The following SOX30 variants were observed in gnomAD, a reference collection of about 807,000 sequenced individuals.
SOX30 encodes SRY-box transcription factor 30.
A neutral mutation model predicts 58.6 loss-of-function variants in SOX30; 17 were observed. The ratio of observed to expected loss-of-function variants is 0.29; its 90% confidence interval spans 0.20 to 0.44. SOX30 has a LOEUF of 0.44. SOX30 is among the 20% of genes least tolerant of loss of function. The pLI is 1.00. For synonymous variants in SOX30, 421 were observed against 400.2 expected (o/e 1.05, Z -0.62); for missense variants, 951 against 965.8 (o/e 0.98, Z 0.20).
intron 1 of SOX30, among the ~76,000 whole-genome samples, chr5:157,669,239 G>A (rs1340566117): frequency 6.6e-6 from 1 of 152,192 alleles, no homozygotes; most frequent in African/African-American, 2.4e-5. Flanking sequence ...TGTAGTCCAG[G>A]CTAGAGTGCA....
intron 3 of SOX30, among the ~76,000 whole-genome samples, chr5:157,642,722 A>G (rs150292770): frequency 6.6e-6 from 1 of 152,188 alleles, no homozygotes. Context: ...TGTACAAATG[A>G]GCCCAACTGC....
chr5:157,655,510 T>C (rs186786214), upstream of SOX30, among the ~76,000 whole-genome samples: 1 of 152,330 alleles, frequency 6.6e-6, no homozygotes, highest in African/African-American at 2.4e-5. Flanking sequence ...ATCTGCCTTG[T>C]ACTCTTTGCT....
intron 3 of SOX30, among the ~76,000 whole-genome samples, chr5:157,641,790 C>A (rs573617603): frequency 6.6e-6 from 1 of 152,238 alleles, no homozygotes; most frequent in South Asian, 2.1e-4. Context: ...ATTTAAGAAA[C>A]CTTAGTAGTG....
chr5:157,654,164 CAAA>C (rs1168643558), upstream of SOX30, among the ~76,000 whole-genome samples: 12 of 78,638 alleles, frequency 1.5e-4, no homozygotes, highest in East Asian at 3.2e-4. Context: ...GACCCTGTCT[CAAA>C]AAAAAAAAAA....
intron 4 of SOX30, among the ~76,000 whole-genome samples, chr5:157,628,084 G>A (rs558703509): frequency 3.6e-4 from 55 of 152,044 alleles, no homozygotes; most frequent in Middle Eastern, 3.4e-3. Context: ...GGAGGCTGAC[G>A]CAGGAGGATC....
intron 3 of SOX30, among the ~76,000 whole-genome samples, chr5:157,644,787 C>T (rs1759148399): frequency 6.6e-6 from 1 of 152,094 alleles, no homozygotes. Context: ...TCGAGACAAG[C>T]CTGGCTAACA....
At chr5:157,654,562 A>T (rs1233270316), upstream of SOX30, among the ~76,000 whole-genome samples, 1 of 152,128 alleles carries the variant, frequency 6.6e-6, no homozygotes, top group Non-Finnish European at 1.5e-5. Context: ...GAACCAGAGC[A>T]CCTCCATCTT....
chr5:157,640,857 T>C (rs765587835), intron 3 of SOX30, among the ~76,000 whole-genome samples: 1 of 152,158 alleles, frequency 6.6e-6, no homozygotes. Context: ...ACCTCGCATA[T>C]GTAATGACAC....
At chr5:157,635,939 T>C (rs1255716058) in intron 4 of SOX30, among the ~76,000 whole-genome samples, 1 of 152,196 alleles carries the variant, frequency 6.6e-6, no homozygotes, top group Non-Finnish European at 1.5e-5. Context: ...AAGACAAATA[T>C]GAAATTCAAA....
intron 2 of SOX30, among the ~76,000 whole-genome samples, chr5:157,662,890 G>C (rs772377857): frequency 6.6e-6 from 1 of 152,008 alleles, no homozygotes; most frequent in Non-Finnish European, 1.5e-5. Context: ...TCAAGCAATT[G>C]CCTTCAGAAT....
chr5:157,664,637 A>T (rs1759637484), intron 2 of SOX30, among the ~76,000 whole-genome samples: 1 of 152,342 alleles, frequency 6.6e-6, no homozygotes, highest in South Asian at 2.1e-4. Context: ...TGCACATCAA[A>T]AGAAACTACC....
chr5:157,636,979 A>G lies in SOX30; in HGVS notation c.1880+1251T>C, dbSNP rs374278318. 2.6e-4 allele frequency among the ~76,000 whole-genome samples: 39 copies of G among 152,096 alleles called. 1 individual carries two copies. The East Asian group carries it at 5.8e-3, about 23-fold the overall frequency. ...CCCATCTCTATTAAAAACACACAAA[A>G]AAAATTAGCCAGGCGTGGTGACGCA... On this transcript the variant is annotated intron_variant, in intron 4 of 4. Transcript: ENST00000265007.
chr5:157,661,300 G>A (rs1316113685), intron 2 of SOX30, among the ~76,000 whole-genome samples: 1 of 152,162 alleles, frequency 6.6e-6, no homozygotes, highest in African/African-American at 2.4e-5. Flanking sequence ...AAGTAAGAAA[G>A]TTTCCTTCTA....
Position 157,638,573 on chromosome 5 carries a change from A to C in SOX30, c.1537T>G (p.Phe513Val), listed in dbSNP as rs201459784. ...PVYPALPPQR[F>V]TGPSQTDTHQ... ...GTGTCTGTTTGGGAAGGCCCAGTAA[A>C]GCGTTGGGGTGGGAGTGCTGGATAG... Residue 513 changes from phenylalanine (F) to valine (V), a missense_variant, in exon 4 of 5, where the codon TTT becomes GTT. Physicochemically the swap from Phe to Val is conservative, Grantham distance 50. Around this residue, in one of 7 missense-constraint regions of SOX30, gnomAD observed 381 missense variants for 390.0 expected, o/e 0.98. Coordinates refer to ENST00000265007, the MANE Select transcript of SOX30 (RefSeq NM_178424.2). The C allele has an allele frequency of 6.2e-7, 1 of 1,614,118 alleles. No homozygotes were observed. Among genetic ancestry groups the C allele is most frequent in the Non-Finnish European group, 8.5e-7 (1 of 1,180,012 alleles).
chr5:157,656,698 A>G (rs1221951190), upstream of SOX30, among the ~76,000 whole-genome samples: 1 of 152,272 alleles, frequency 6.6e-6, no homozygotes, highest in Non-Finnish European at 1.5e-5. Context: ...GTGTGTAAGG[A>G]AAGTGAAATG....
chr5:157,651,290 C>A lies in SOX30; in HGVS notation c.789G>T (p.Thr263=), dbSNP rs746434027. The part of the protein sequence containing the change: ...PHQQDLRIPL[T]LHTVPPGARI... ...GGGCCCCAGGGGGGACCGTGTGGAG[C>A]GTCAAAGGGATCCTAAGGTCTTGCT... Residue 263 remains threonine, a synonymous_variant, in exon 1 of 5, where the codon ACG becomes ACT. Transcript: ENST00000265007. 1.2e-6 allele frequency: 2 copies of A among 1,614,120 alleles called. No homozygotes were observed. The highest frequency in any genetic ancestry group is 2.2e-5 in the East Asian group (1 of 44,878).
At chr5:157,662,109 T>C (rs892637925) in intron 2 of SOX30, among the ~76,000 whole-genome samples, 1 of 152,206 alleles carries the variant, frequency 6.6e-6, no homozygotes, top group African/African-American at 2.4e-5. Context: ...AATTTGCCCA[T>C]TTCATCTAAG....
chr5:157,668,999 T>A (rs1759720104), intron 1 of SOX30, among the ~76,000 whole-genome samples: 1 of 152,112 alleles, frequency 6.6e-6, no homozygotes, highest in Non-Finnish European at 1.5e-5. Context: ...CCCCATGAGA[T>A]AAATGGTGGG....
chr5:157,631,719 C>T (rs1758812597), intron 4 of SOX30, among the ~76,000 whole-genome samples: 1 of 147,938 alleles, frequency 6.8e-6, no homozygotes, highest in Admixed American at 6.8e-5. Flanking sequence ...GAGCCAAGAT[C>T]GTGCCACTGC....
Sources: allele counts gnomAD v4.1 joint callset (sites outside exome capture counted in the v4.1 genomes callset), GRCh38; gene constraint gnomAD v4.1.1; regional missense constraint gnomAD v4.1.1; transcripts MANE v1.5; gene names NCBI Gene and HGNC (gene_info 2026-07-23, HGNC 2026-07-21).